The following UNC13C variants were observed in gnomAD, a reference collection of about 807,000 sequenced individuals.
UNC13C encodes unc-13 homolog C.
UNC13C carries 174 observed loss-of-function variants against 245.4 expected under a neutral mutation model. The ratio of observed to expected loss-of-function variants is 0.71; its 90% confidence interval spans 0.63 to 0.80. The LOEUF (loss-of-function observed/expected upper bound fraction) is 0.80. Ranked by LOEUF, UNC13C falls within the 30% of genes least tolerant of loss-of-function variation. The pLI is 0.00. For synonymous variants in UNC13C, 992 were observed against 895.1 expected (o/e 1.11, Z -1.93); for missense variants, 2,829 against 2,602.9 (o/e 1.09, Z -1.89).
At chr15:54,485,352 T>C (rs1416149575) in intron 19 of UNC13C, among the ~76,000 whole-genome samples, 3 of 152,240 alleles carry the variant, frequency 2.0e-5, no homozygotes, top group Non-Finnish European at 1.5e-5. Flanking sequence ...TTACCATTTC[T>C]GGTCTCAGGT....
At chr15:54,330,492 G>A (rs112773857) in intron 14 of UNC13C, among the ~76,000 whole-genome samples, 1,783 of 152,124 alleles carry the variant, frequency 0.012, 21 homozygotes, top group African/African-American at 0.035. Context: ...TAAGAGGGCC[G>A]ATGATTTGGG....
chr15:54,321,658 A>C (rs2038163086), intron 13 of UNC13C: 2 of 366,044 alleles, frequency 5.5e-6, no homozygotes, highest in Non-Finnish European at 9.8e-6. Context: ...TCAAAAACTG[A>C]CTTCGACATG....
At chr15:53,927,719 G>A in the UNC13C span, among the ~76,000 whole-genome samples, 2 of 152,182 alleles carry the variant, frequency 1.3e-5, no homozygotes, top group South Asian at 2.1e-4. Flanking sequence ...TTGTGGGTAT[G>A]TGTGTGATTG....
At chr15:54,510,401 CACT>C (rs1476183719) in intron 23 of UNC13C, among the ~76,000 whole-genome samples, 1 of 151,954 alleles carries the variant, frequency 6.6e-6, no homozygotes, top group Non-Finnish European at 1.5e-5. Flanking sequence ...TGGCCCTACT[CACT>C]ATGGAAAGGA....
chr15:54,569,444 TAAC>T (rs543815816), intron 30 of UNC13C, among the ~76,000 whole-genome samples: 2 of 152,092 alleles, frequency 1.3e-5, no homozygotes, highest in South Asian at 4.1e-4. Flanking sequence ...TATGGAATAA[TAAC>T]AAGAAAAAAA....
chr15:54,608,774 A>G (rs1899917347), intron 30 of UNC13C, among the ~76,000 whole-genome samples: 1 of 152,212 alleles, frequency 6.6e-6, no homozygotes, highest in East Asian at 1.9e-4. Context: ...GAAACCATAT[A>G]TATTCTCTAT....
At chr15:54,485,025 A>G (rs563817417) in intron 19 of UNC13C, among the ~76,000 whole-genome samples, 7 of 152,182 alleles carry the variant, frequency 4.6e-5, no homozygotes, top group South Asian at 2.1e-4. Flanking sequence ...TTTATCAACA[A>G]TTCTTAGCAA....
At chr15:54,241,207 G>A (rs954599126) in intron 7 of UNC13C, among the ~76,000 whole-genome samples, 5 of 152,172 alleles carry the variant, frequency 3.3e-5, no homozygotes, top group African/African-American at 1.2e-4. Flanking sequence ...TGTCTGGGTT[G>A]ATGGGCATGT....
the UNC13C span, among the ~76,000 whole-genome samples, chr15:53,899,641 C>T: frequency 9.9e-5 from 15 of 152,070 alleles, no homozygotes; most frequent in African/African-American, 3.4e-4. Context: ...CTCGGCTCAC[C>T]GCAACATCCA....
At chr15:54,596,891 A>G (rs1193419238) in intron 30 of UNC13C, among the ~76,000 whole-genome samples, 3 of 152,188 alleles carry the variant, frequency 2.0e-5, no homozygotes, top group African/African-American at 7.2e-5. Context: ...TAGTGGTGCC[A>G]TGCTTGTATA....
chr15:54,300,148 A>G, intron 12 of UNC13C, 62 bp from the exon 13 acceptor site: 4 of 1,480,038 alleles, frequency 2.7e-6, no homozygotes, highest in Non-Finnish European at 3.7e-6. Context: ...TGGAAGTTTT[A>G]GTTAAATGTT....
At chr15:53,972,280 G>A in the UNC13C span, among the ~76,000 whole-genome samples, 2 of 152,192 alleles carry the variant, frequency 1.3e-5, no homozygotes, top group African/African-American at 4.8e-5. Flanking sequence ...AGAAATTAGG[G>A]TTTTGTTTTA....
Position 54,014,556 on chromosome 15 carries a change from A to G in UNC13C, c.1653A>G (p.Ser551=), listed in dbSNP as rs1895548113. 1.9e-6 allele frequency: 3 copies of G among 1,613,856 alleles called. No homozygotes were observed. Among genetic ancestry groups the G allele is most frequent in the Non-Finnish European group, 2.5e-6 (3 of 1,179,842 alleles). Residue 551 remains serine (S), a synonymous_variant, in exon 2 of 33, where the codon TCA becomes TCG. Coordinates refer to ENST00000260323, the MANE Select transcript of UNC13C (RefSeq NM_001080534.3). ...CTGCTAAACTTAGTCGTTCTGAATC[A>G]GATTTTTCCAAATTGTGTCAGTCTT... ...FFTAKLSRSE[S]DFSKLCQSYS...
intron 19 of UNC13C, among the ~76,000 whole-genome samples, chr15:54,434,492 C>A (rs765848149): frequency 6.6e-6 from 1 of 152,020 alleles, no homozygotes; most frequent in African/African-American, 2.4e-5. Flanking sequence ...GAAAGTGTTC[C>A]CTATTTAATA....
chr15:54,063,346 G>C (rs1180781432), intron 2 of UNC13C, among the ~76,000 whole-genome samples: 1 of 152,108 alleles, frequency 6.6e-6, no homozygotes, highest in South Asian at 2.1e-4. Context: ...GGAAGGGGGC[G>C]ATAGGCAAGA....
intron 15 of UNC13C, among the ~76,000 whole-genome samples, chr15:54,332,662 G>A (rs1329723620): frequency 6.6e-6 from 1 of 151,838 alleles, no homozygotes; most frequent in Admixed American, 6.6e-5. Context: ...GTACATATGT[G>A]CATAAGTATA....
intron 19 of UNC13C, among the ~76,000 whole-genome samples, chr15:54,424,719 G>T (rs572636923): frequency 6.6e-6 from 1 of 151,676 alleles, no homozygotes; most frequent in African/African-American, 2.4e-5. Flanking sequence ...TAGAATTAGG[G>T]GCAAGAAAAT....
At chr15:54,491,696 C>T (rs1567323773) in intron 19 of UNC13C, among the ~76,000 whole-genome samples, 1 of 152,094 alleles carries the variant, frequency 6.6e-6, no homozygotes, top group Non-Finnish European at 1.5e-5. Flanking sequence ...TCATTATTTT[C>T]TGTTTTTAAA....
intron 2 of UNC13C, among the ~76,000 whole-genome samples, chr15:54,103,649 C>A (rs559600114): frequency 1.3e-5 from 2 of 152,262 alleles, no homozygotes; most frequent in Admixed American, 6.5e-5. Context: ...ATTTCTGTGA[C>A]CCTGTCATTA....
Sources: gnomAD v4.1 joint callset for allele counts (sites outside exome capture counted in the v4.1 genomes callset) on GRCh38, gnomAD v4.1.1 for gene constraint, MANE v1.5 for transcripts, NCBI Gene and HGNC (gene_info 2026-07-23, HGNC 2026-07-21) for gene names.